The following REEP1 variants were observed in gnomAD, a reference collection of about 807,000 sequenced individuals.
The protein encoded by REEP1 is receptor expression-enhancing protein 1.
A neutral mutation model predicts 40.3 loss-of-function variants in REEP1; 22 were observed. The ratio of observed to expected loss-of-function variants is 0.55; its 90% confidence interval spans 0.39 to 0.78. The LOEUF (loss-of-function observed/expected upper bound fraction) is 0.78. Ranked by LOEUF, REEP1 falls within the 30% of genes least tolerant of loss-of-function variation. The pLI is 0.00. For missense variants in REEP1, 280 were observed against 361.1 expected, an observed-to-expected ratio of 0.78 and a Z score of 1.82; for synonymous variants, 116 against 139.2, an observed-to-expected ratio of 0.83 and a Z score of 1.17.
chr2:86,227,416 G>A lies in REEP1; in HGVS notation c.596-18C>T. 8.1e-7 allele frequency: 1 copy of A among 1,232,450 alleles called. No homozygotes were observed. Among genetic ancestry groups the A allele is most frequent in the Non-Finnish European group, 1.0e-6 (1 of 988,214 alleles). The allele number at this position is 1,232,450 out of a possible 1,614,324, so 76.3% of individuals were successfully genotyped here. A position where few individuals can be genotyped will look rare whatever the true frequency, so the allele number is the denominator to read the frequency against. On this transcript the variant is annotated intron_variant, in intron 6 of 8. Coordinates refer to ENST00000538924, the MANE Select transcript of REEP1 (RefSeq NM_001371279.1). ...GGTACACACTGTGGGAATGGGGTAGGGGCACCATCAGTGACATCCCCCACT... is the reference window on the plus strand; with the variant it reads ...GGTACACACTGTGGGAATGGGGTAGAGGCACCATCAGTGACATCCCCCACT...
intron 5 of REEP1, among the ~76,000 whole-genome samples, chr2:86,243,731 GT>G (rs770161052): frequency 2.0e-5 from 3 of 152,182 alleles, no homozygotes; most frequent in East Asian, 3.8e-4. Flanking sequence ...TTTTTCAGCA[GT>G]TTGTCCATAC....
intron 5 of REEP1, among the ~76,000 whole-genome samples, chr2:86,249,778 T>C (rs1415750348): frequency 7.0e-6 from 1 of 143,328 alleles, no homozygotes; most frequent in African/African-American, 2.5e-5. Context: ...TTTTTGGATT[T>C]TACTTCTTCT....
intron 8 of REEP1, among the ~76,000 whole-genome samples, chr2:86,219,419 TA>T (rs1488303183): frequency 6.6e-6 from 1 of 151,762 alleles, no homozygotes; most frequent in Non-Finnish European, 1.5e-5. Context: ...AAGACCTAGA[TA>T]CTTTACCACT....
chr2:86,236,451 A>T (rs1032693911), intron 5 of REEP1, among the ~76,000 whole-genome samples: 1 of 152,084 alleles, frequency 6.6e-6, no homozygotes, highest in Non-Finnish European at 1.5e-5. Context: ...ATAAATTTGG[A>T]TTCTCTAAAT....
chr2:86,312,389 T>C (rs1343895319), intron 1 of REEP1, among the ~76,000 whole-genome samples: 2 of 152,158 alleles, frequency 1.3e-5, no homozygotes, highest in Non-Finnish European at 2.9e-5. Context: ...CAACGATTCT[T>C]CCTGCTTGCA....
chr2:86,278,152 T>G (rs1293204008), intron 2 of REEP1, among the ~76,000 whole-genome samples: 12 of 152,196 alleles, frequency 7.9e-5, no homozygotes, highest in Admixed American at 7.9e-4. Flanking sequence ...CTAAAAACTT[T>G]TTTCTTTTAA....
chr2:86,221,356 G>T (rs532939830), intron 7 of REEP1, among the ~76,000 whole-genome samples: 3 of 152,346 alleles, frequency 2.0e-5, no homozygotes, highest in East Asian at 3.9e-4. Flanking sequence ...AGTAAGTAAA[G>T]TCCTGAGATC....
chr2:86,258,329 T>G (rs1157871126), intron 3 of REEP1, among the ~76,000 whole-genome samples: 1 of 152,256 alleles, frequency 6.6e-6, no homozygotes, highest in African/African-American at 2.4e-5. Flanking sequence ...AACACTGTTA[T>G]GCACAATGAT....
chr2:86,319,849 A>G (rs1319866172), intron 1 of REEP1, among the ~76,000 whole-genome samples: 1 of 152,242 alleles, frequency 6.6e-6, no homozygotes. Context: ...ACAGGAGAAC[A>G]GCATGTGACA....
intron 2 of REEP1, among the ~76,000 whole-genome samples, chr2:86,271,091 C>G (rs151269073): frequency 0.011 from 1,697 of 152,008 alleles, 33 homozygotes; most frequent in African/African-American, 0.039. Flanking sequence ...ACTTGGGAGG[C>G]TGAGGCACAA....
Position 86,253,815 on chromosome 2 carries a change from A to G in REEP1, c.303+879T>C, listed in dbSNP as rs9677502. ...AATTCAACTTTCAGAAACAATAGAC[A>G]TTAATCTGTCAAGCCACCTATAATG... is the stretch of plus-strand genomic sequence containing the variant. On this transcript the variant is annotated intron_variant, in intron 4 of 8. Coordinates refer to ENST00000538924, the MANE Select transcript of REEP1 (RefSeq NM_001371279.1). Among the ~76,000 whole-genome samples, 41 of 152,212 alleles carry G rather than the reference A, an allele frequency of 2.7e-4. 1 individual carries two copies. The highest frequency in any genetic ancestry group is 9.9e-4 in the African/African-American group (41 of 41,556).
At chr2:86,327,842 C>T (rs1417468079) in intron 1 of REEP1, among the ~76,000 whole-genome samples, 1 of 152,142 alleles carries the variant, frequency 6.6e-6, no homozygotes, top group Non-Finnish European at 1.5e-5. Flanking sequence ...GCTGGGATTA[C>T]AGGCATGAGC....
At chr2:86,242,802 A>C (rs80297037) in intron 5 of REEP1, among the ~76,000 whole-genome samples, 2,360 of 152,252 alleles carry the variant, frequency 0.016, 25 homozygotes, top group Middle Eastern at 0.037. Context: ...CTACTGCAAG[A>C]GTCCAAGCTA....
intron 5 of REEP1, among the ~76,000 whole-genome samples, chr2:86,248,319 T>C (rs1400010764): frequency 6.6e-6 from 1 of 152,172 alleles, no homozygotes; most frequent in Non-Finnish European, 1.5e-5. Context: ...TTGAGGGTGT[T>C]TTGTGGGAGG....
chr2:86,227,458 C>G, intron 6 of REEP1, 60 bp from the exon 7 acceptor site: 1 of 1,222,424 alleles, frequency 8.2e-7, no homozygotes, highest in Non-Finnish European at 1.0e-6. Flanking sequence ...GAACCAGCCC[C>G]GGGCAAACAG....
In REEP1 at chr2:86,337,571, G is replaced by T; in HGVS notation, c.-61C>A. ...GGCTCGGCTAGGCTGCGGGCGGCGC[G>T]GGCTGCTGCGGCGTTCCCGGAACGT... On this transcript the variant is annotated 5_prime_UTR_variant, in exon 1 of 9. Coordinates refer to ENST00000538924, the MANE Select transcript of REEP1 (RefSeq NM_001371279.1). The surrounding 1 kb of genome is among the most constrained non-coding windows in gnomAD (Gnocchi z 5.8). 8.4e-7 allele frequency: 1 copy of T among 1,193,220 alleles called. No individual in the cohort carries two copies. Among genetic ancestry groups the T allele is most frequent in the Non-Finnish European group, 1.0e-6 (1 of 964,604 alleles). The allele number at this position is 1,193,220 out of a possible 1,614,324, so 73.9% of individuals were successfully genotyped here. A position where few individuals can be genotyped will look rare whatever the true frequency, so the allele number is the denominator to read the frequency against.
chr2:86,331,171 T>C, intron 1 of REEP1, among the ~76,000 whole-genome samples: 1 of 152,212 alleles, frequency 6.6e-6, no homozygotes, highest in Admixed American at 6.6e-5. Context: ...TTTAGATGCC[T>C]CAGCCCTAAC....
At chr2:86,333,883 G>C (rs960763963) in intron 1 of REEP1, among the ~76,000 whole-genome samples, 7 of 152,206 alleles carry the variant, frequency 4.6e-5, no homozygotes, top group African/African-American at 1.7e-4. Flanking sequence ...ATTCTTTACA[G>C]GCTGAGCCAA....
chr2:86,234,325 C>T (rs1675180054), intron 5 of REEP1, among the ~76,000 whole-genome samples: 1 of 152,018 alleles, frequency 6.6e-6, no homozygotes, highest in South Asian at 2.1e-4. Flanking sequence ...CGAGACCAGC[C>T]TGGGCAACAA....
Sources: gnomAD v4.1 joint callset for allele counts (sites outside exome capture counted in the v4.1 genomes callset) on GRCh38, gnomAD v4.1.1 for gene constraint, Gnocchi (gnomAD v3.1) non-coding constraint, MANE v1.5 for transcripts, NCBI Gene and HGNC (gene_info 2026-07-23, HGNC 2026-07-21) for gene names.